The following IL1RAPL2 variants were observed in gnomAD, a reference collection of about 807,000 sequenced individuals.
IL1RAPL2 encodes interleukin 1 receptor accessory protein like 2.
Under a neutral mutation model 44.1 loss-of-function variants are expected in IL1RAPL2, and 3 were observed. The ratio of observed to expected loss-of-function variants is 0.07; its 90% confidence interval spans 0.03 to 0.18. IL1RAPL2 has a LOEUF of 0.18. IL1RAPL2 is among the 10% of genes least tolerant of loss of function. The pLI is 1.00. For missense variants in IL1RAPL2, 391 were observed against 496.4 expected (o/e 0.79, Z 2.02); for synonymous variants, 181 against 178.8 (o/e 1.01, Z -0.10).
intron 2 of IL1RAPL2, among the ~76,000 whole-genome samples, chrX:104,662,312 A>G (rs1024216981): frequency 1.2e-4 from 13 of 112,130 alleles, no homozygotes; most frequent in Non-Finnish European, 2.1e-4. Context: ...CTGAGACTGC[A>G]TCTAGGGCCT....
At chrX:105,204,395 T>A (rs2033743648) in intron 3 of IL1RAPL2, among the ~76,000 whole-genome samples, 1 of 111,673 alleles carries the variant, frequency 9.0e-6, no homozygotes, top group African/African-American at 3.3e-5. Flanking sequence ...CCACCTTCCT[T>A]CCTGTCAATG....
intron 2 of IL1RAPL2, among the ~76,000 whole-genome samples, chrX:104,817,078 A>G (rs1214901739): frequency 8.9e-6 from 1 of 112,971 alleles, no homozygotes; most frequent in Non-Finnish European, 1.9e-5. Flanking sequence ...CTATGTAGAA[A>G]CATGATTGGA....
At chrX:104,884,718 A>G (rs1236459886) in intron 2 of IL1RAPL2, among the ~76,000 whole-genome samples, 1 of 111,469 alleles carries the variant, frequency 9.0e-6, no homozygotes, top group East Asian at 2.8e-4. Context: ...GGAGTGAAAT[A>G]CCTTATATCC....
At chrX:104,788,192 G>A (rs781306480) in intron 2 of IL1RAPL2, among the ~76,000 whole-genome samples, 3 of 112,356 alleles carry the variant, frequency 2.7e-5, no homozygotes, top group Non-Finnish European at 5.6e-5. Flanking sequence ...TACTTTGCAT[G>A]GAAGAAAAGT....
At chrX:105,583,140 T>TG (rs143281428) in intron 6 of IL1RAPL2, among the ~76,000 whole-genome samples, 1 of 48,285 alleles carries the variant, frequency 2.1e-5, no homozygotes, top group Non-Finnish European at 4.7e-5. Flanking sequence ...ATTTTTTTTG[T>TG]TTTTTTTTTT....
At chrX:105,122,274 A>G (rs1240614526) in intron 2 of IL1RAPL2, among the ~76,000 whole-genome samples, 1 of 111,889 alleles carries the variant, frequency 8.9e-6, no homozygotes, top group Non-Finnish European at 1.9e-5. Flanking sequence ...AAGTTCTACA[A>G]GAGGGTTTGC....
intron 5 of IL1RAPL2, among the ~76,000 whole-genome samples, chrX:105,378,969 A>G (rs1220515275): frequency 4.5e-5 from 5 of 111,486 alleles, no homozygotes; most frequent in Non-Finnish European, 9.4e-5. Flanking sequence ...TTCTAATCCT[A>G]TTTTTGCCAG....
At chrX:105,050,880 T>A (rs1334800627) in intron 2 of IL1RAPL2, among the ~76,000 whole-genome samples, 1 of 112,534 alleles carries the variant, frequency 8.9e-6, no homozygotes, top group Admixed American at 9.3e-5. Context: ...TGCAGGTCTC[T>A]GAAGCTCTCA....
chrX:105,377,349 T>C (rs2095076424), intron 5 of IL1RAPL2, among the ~76,000 whole-genome samples: 1 of 109,395 alleles, frequency 9.1e-6, no homozygotes, highest in East Asian at 2.8e-4. Flanking sequence ...TATTTAGGGG[T>C]ATGTGTGCAT....
At chrX:105,675,804 T>A (rs900807953) in intron 6 of IL1RAPL2, among the ~76,000 whole-genome samples, 1 of 111,666 alleles carries the variant, frequency 9.0e-6, no homozygotes, top group Admixed American at 9.6e-5. Flanking sequence ...CTTTCTTTGG[T>A]TGGTAAGCTA....
At chrX:105,034,618 G>A (rs2031586306) in intron 2 of IL1RAPL2, among the ~76,000 whole-genome samples, 1 of 111,926 alleles carries the variant, frequency 8.9e-6, no homozygotes, top group Non-Finnish European at 1.9e-5. Flanking sequence ...TCTCAGAGGA[G>A]TACCCGGTCA....
chrX:105,713,788 T>C (rs1472361686), intron 6 of IL1RAPL2, among the ~76,000 whole-genome samples: 1 of 111,522 alleles, frequency 9.0e-6, no homozygotes, highest in Admixed American at 9.5e-5. Context: ...CTATGCGTAT[T>C]AATTCCTTTA....
intron 5 of IL1RAPL2, among the ~76,000 whole-genome samples, chrX:105,317,715 C>G: frequency 1.8e-5 from 2 of 111,034 alleles, no homozygotes; most frequent in South Asian, 7.7e-4. Flanking sequence ...GACTCAAAGA[C>G]TCTCTGAAGT....
chrX:105,219,333 G>A (rs782062464), intron 3 of IL1RAPL2: 208 of 1,209,304 alleles, frequency 1.7e-4, no homozygotes, highest in South Asian at 7.9e-4. Flanking sequence ...GTTCTGATGA[G>A]GCTCTGGACC....
chrX:105,640,666 A>G (rs867327936), intron 6 of IL1RAPL2, among the ~76,000 whole-genome samples: 18 of 80,095 alleles, frequency 2.2e-4, no homozygotes, highest in South Asian at 1.1e-3. Context: ...ATATATATAT[A>G]TATATATATA....
intron 2 of IL1RAPL2, among the ~76,000 whole-genome samples, chrX:104,672,853 A>G (rs1006922191): frequency 5.4e-5 from 6 of 111,956 alleles, no homozygotes; most frequent in Non-Finnish European, 1.1e-4. Flanking sequence ...ACCAGTGATG[A>G]CGAGCATTTT....
At chrX:105,411,196 T>TAACA (rs2035693105) in intron 5 of IL1RAPL2, among the ~76,000 whole-genome samples, 1 of 110,789 alleles carries the variant, frequency 9.0e-6, no homozygotes, top group Non-Finnish European at 1.9e-5. Context: ...AAACAAAACT[T>TAACA]AACACCACAG....
intron 6 of IL1RAPL2, among the ~76,000 whole-genome samples, chrX:105,644,040 T>A (rs1322637176): frequency 9.0e-6 from 1 of 110,787 alleles, no homozygotes; most frequent in Non-Finnish European, 1.9e-5. Flanking sequence ...TACAGGGGCG[T>A]GCCATCACGC....
intron 5 of IL1RAPL2, among the ~76,000 whole-genome samples, chrX:105,290,637 G>T (rs932382867): frequency 2.2e-4 from 25 of 111,543 alleles, no homozygotes; most frequent in African/African-American, 8.1e-4. Flanking sequence ...ATTGGGAAGG[G>T]GGAAGAGAAA....
Sources: gnomAD v4.1 joint callset for allele counts (sites outside exome capture counted in the v4.1 genomes callset) on GRCh38, gnomAD v4.1.1 for gene constraint, MANE v1.5 for transcripts, NCBI Gene and HGNC (gene_info 2026-07-23, HGNC 2026-07-21) for gene names.